SRGAP1: variants seen among roughly 807,000 people sequenced by gnomAD.
SRGAP1 encodes SLIT-ROBO Rho GTPase activating protein 1, also known as SLIT-ROBO Rho GTPase-activating protein 1.
In SRGAP1, 43 loss-of-function variants were observed where a neutral mutation model predicts 121.9. The ratio of observed to expected loss-of-function variants is 0.35; its 90% confidence interval spans 0.28 to 0.46. The LOEUF (loss-of-function observed/expected upper bound fraction) is 0.46. Among genes scored for constraint, SRGAP1 ranks in the 20% least tolerant of loss-of-function variants. The probability of loss-of-function intolerance (pLI) is 1.00; values close to 1 mark genes in which losing one functional copy is unlikely to be tolerated. For synonymous variants in SRGAP1, 447 were observed against 485.4 expected (o/e 0.92, Z 1.04); for missense variants, 1,102 against 1,350.9 (o/e 0.82, Z 2.89).
intron 3 of SRGAP1, among the ~76,000 whole-genome samples, chr12:64,004,322 A>T (rs1382668607): frequency 6.6e-6 from 1 of 152,178 alleles, no homozygotes; most frequent in African/African-American, 2.4e-5. Flanking sequence ...TCAGTTATTT[A>T]TAAAAGATGA....
At chr12:63,862,343 G>A (rs1444133732) in intron 1 of SRGAP1, among the ~76,000 whole-genome samples, 1 of 152,090 alleles carries the variant, frequency 6.6e-6, no homozygotes, top group Non-Finnish European at 1.5e-5. Flanking sequence ...CAGGCTTTTT[G>A]GTGTCACAGC....
rs789735 is a variant in SRGAP1 at position 64,145,900 on chromosome 12, T to A, written c.*3228T>A. On this transcript the variant is annotated 3_prime_UTR_variant, in exon 22 of 22. Transcript: ENST00000355086. ...TCATGTGCAATTTGGGGAGGGGAGC[T>A]TTTTGATGGTGGGTAAATAATGGCT... 17,944 of 152,064 alleles carry A rather than the reference T, an allele frequency of 0.12. 2,526 individuals carry two copies. The highest frequency in any genetic ancestry group is 0.35 in the African/African-American group (14,325 of 41,400). The allele number at this position is 152,064 out of a possible 1,614,324, so 9.4% of individuals were successfully genotyped here.
chr12:64,064,321 A>G (rs114152959), intron 7 of SRGAP1, among the ~76,000 whole-genome samples: 120 of 152,346 alleles, frequency 7.9e-4, no homozygotes, highest in African/African-American at 2.8e-3. Context: ...AAGGCAGATA[A>G]GAAGAAATTG....
intron 15 of SRGAP1, among the ~76,000 whole-genome samples, chr12:64,101,942 A>G (rs1390539845): frequency 6.6e-6 from 1 of 152,244 alleles, no homozygotes. Context: ...TAGTTATTGT[A>G]GAGTACCTGA....
chr12:64,091,776 T>C lies in SRGAP1; in HGVS notation c.1539+398T>C, dbSNP rs73321305. 2.8e-3 allele frequency: 2,152 copies of C among 770,606 alleles called. 40 individuals carry two copies. In the African/African-American group the frequency reaches 0.033, roughly 12 times the overall value. The allele number at this position is 770,606 out of a possible 1,614,324, so 47.7% of individuals were successfully genotyped here. A position where few individuals can be genotyped will look rare whatever the true frequency, so the allele number is the denominator to read the frequency against. On this transcript the variant is annotated intron_variant, in intron 12 of 21. Transcript: ENST00000355086. Reference sequence around the variant, plus strand: ...ACACAGCAGGAGTTTTGATTTCCCATGACTTGAGGAATTCATTATATTGAA... The same window carrying C: ...ACACAGCAGGAGTTTTGATTTCCCACGACTTGAGGAATTCATTATATTGAA...
At chr12:63,889,179 C>T (rs1900492976) in intron 1 of SRGAP1, among the ~76,000 whole-genome samples, 1 of 152,184 alleles carries the variant, frequency 6.6e-6, no homozygotes, top group Non-Finnish European at 1.5e-5. Flanking sequence ...CAGCAGTTCT[C>T]AGGGCAGGGC....
chr12:63,978,148 G>A (rs2033141667), intron 1 of SRGAP1, among the ~76,000 whole-genome samples: 1 of 152,170 alleles, frequency 6.6e-6, no homozygotes, highest in East Asian at 1.9e-4. Context: ...ATCATTATCA[G>A]AAAGGTATCA....
chr12:63,995,659 G>A (rs982213645), intron 3 of SRGAP1, among the ~76,000 whole-genome samples: 8 of 152,158 alleles, frequency 5.3e-5, no homozygotes, highest in Admixed American at 2.6e-4. Context: ...GGGATTCAAA[G>A]CAGCAGAAAC....
At chr12:64,038,063 T>C (rs575500074) in intron 4 of SRGAP1, among the ~76,000 whole-genome samples, 5 of 152,316 alleles carry the variant, frequency 3.3e-5, no homozygotes, top group South Asian at 4.1e-4. Context: ...TTCCCACCAT[T>C]GCTGTGCCAG....
At position 64,154,591 on chromosome 12, in the gene SRGAP1, T is replaced by C. The variant is rs117649202; in HGVS notation, c.*11919T>C. ...AGCAAATGGGTGGAATATATTGATA[T>C]ATACTTAAAAAGAATGACTGGGGAA... is the stretch of plus-strand genomic sequence containing the variant. On this transcript the variant is annotated 3_prime_UTR_variant, in exon 22 of 22. Coordinates refer to ENST00000355086, the MANE Select transcript of SRGAP1 (RefSeq NM_020762.4). The C allele has an allele frequency of 9.6e-3, 1,456 of 152,320 alleles. 44 individuals carry two copies. The highest frequency in any genetic ancestry group is 0.052 in the Admixed American group (794 of 15,280). 9.4% of individuals were successfully genotyped at this position (152,320 alleles called of 1,614,324 possible). A position where few individuals can be genotyped will look rare whatever the true frequency, so the allele number is the denominator to read the frequency against.
chr12:64,115,176 A>G (rs1381657123), intron 17 of SRGAP1, among the ~76,000 whole-genome samples: 2 of 151,584 alleles, frequency 1.3e-5, no homozygotes, highest in African/African-American at 2.4e-5. Flanking sequence ...ATGAATTTGT[A>G]AAAAACTGGT....
chr12:63,957,639 A>C (rs193290160), intron 1 of SRGAP1, among the ~76,000 whole-genome samples: 11 of 152,274 alleles, frequency 7.2e-5, no homozygotes, highest in African/African-American at 2.4e-4. Flanking sequence ...TCCAAATTTC[A>C]TATTGAAAAA....
At chr12:64,071,877 C>A (rs561332127) in intron 8 of SRGAP1, among the ~76,000 whole-genome samples, 6 of 148,856 alleles carry the variant, frequency 4.0e-5, no homozygotes, top group Non-Finnish European at 7.4e-5. Flanking sequence ...CTCACCCCCC[C>A]CCAAAAAAAA....
intron 2 of SRGAP1, among the ~76,000 whole-genome samples, chr12:63,984,391 G>A (rs1168561444): frequency 6.6e-6 from 1 of 152,120 alleles, no homozygotes; most frequent in Non-Finnish European, 1.5e-5. Context: ...TGCCAGAAGA[G>A]AAGGTATATG....
intron 21 of SRGAP1, among the ~76,000 whole-genome samples, chr12:64,139,364 G>C (rs1389989219): frequency 6.6e-6 from 1 of 152,172 alleles, no homozygotes; most frequent in Non-Finnish European, 1.5e-5. Context: ...AAAATTTGTT[G>C]AATGAATGAA....
In SRGAP1 at chr12:63,989,937, G is replaced by A; in HGVS notation, c.291G>A (p.Val97=). The A allele has an allele frequency of 6.2e-7, 1 of 1,612,022 alleles. No homozygotes were observed. The highest frequency in any genetic ancestry group is 1.7e-4 in the Middle Eastern group (1 of 6,046). Reference sequence around the variant, plus strand: ...AAGACCAGAACCTGTTGTCTCCAGTGAACTGCTGGTATTTGCTCCTGAACC... The same window carrying A: ...AAGACCAGAACCTGTTGTCTCCAGTAAACTGCTGGTATTTGCTCCTGAACC... ...YKKDQNLLSP[V]NCWYLLLNQV... Residue 97 remains valine (V), a synonymous_variant, in exon 3 of 22, where the codon GTG becomes GTA. Transcript: ENST00000355086.
chr12:63,956,622 A>G (rs76773473), intron 1 of SRGAP1, among the ~76,000 whole-genome samples: 1,684 of 152,258 alleles, frequency 0.011, 8 homozygotes, highest in Non-Finnish European at 0.016. Context: ...TCCTAATACA[A>G]CAAAAATGTA....
intron 1 of SRGAP1, among the ~76,000 whole-genome samples, chr12:63,903,590 C>G (rs1222300750): frequency 6.7e-6 from 1 of 148,466 alleles, no homozygotes; most frequent in Non-Finnish European, 1.5e-5. Flanking sequence ...GAGTCTCACT[C>G]TGTTGCCCAG....
intron 4 of SRGAP1, among the ~76,000 whole-genome samples, chr12:64,038,185 T>C (rs1158230559): frequency 2.0e-5 from 3 of 152,202 alleles, no homozygotes; most frequent in Non-Finnish European, 4.4e-5. Context: ...GGATTAAATA[T>C]GTTATTCGTA....
Sources: allele counts gnomAD v4.1 joint callset (sites outside exome capture counted in the v4.1 genomes callset), GRCh38; gene constraint gnomAD v4.1.1; transcripts MANE v1.5; gene names NCBI Gene and HGNC (gene_info 2026-07-23, HGNC 2026-07-21).